Variants in AGBL4 observed in about 807,000 individuals in gnomAD.
AGBL4 encodes the protein AGBL carboxypeptidase 4.
Under a neutral mutation model 66.4 loss-of-function variants are expected in AGBL4, and 58 were observed. That is an observed-to-expected ratio of 0.87 (90% CI 0.71 to 1.09). AGBL4 has a LOEUF of 1.09. Ranked by LOEUF, AGBL4 falls within the 50% of genes least tolerant of loss-of-function variation. The pLI is 0.00. For synonymous variants in AGBL4, 234 were observed against 222.9 expected, an observed-to-expected ratio of 1.05 and a Z score of -0.44; for missense variants, 579 against 631.0, an observed-to-expected ratio of 0.92 and a Z score of 0.88.
chr1:49,935,486 T>C (rs1653883866), intron 1 of AGBL4, among the ~76,000 whole-genome samples: 1 of 152,140 alleles, frequency 6.6e-6, no homozygotes, highest in African/African-American at 2.4e-5. Context: ...GAGCAGTGGT[T>C]CTCCCAGCAG....
intron 6 of AGBL4, chr1:48,761,049 G>A: frequency 3.3e-6 from 1 of 299,180 alleles, no homozygotes; most frequent in Non-Finnish European, 6.3e-6. Context: ...CAGAGCTGTG[G>A]GCCAAGGAGA....
chr1:48,835,438 C>T (rs1303918784), intron 6 of AGBL4, among the ~76,000 whole-genome samples: 2 of 152,062 alleles, frequency 1.3e-5, no homozygotes, highest in Non-Finnish European at 2.9e-5. Flanking sequence ...TATAATTACA[C>T]TCTGAGATGA....
chr1:49,798,611 C>G (rs1644785850), intron 2 of AGBL4, among the ~76,000 whole-genome samples: 1 of 152,142 alleles, frequency 6.6e-6, no homozygotes, highest in Non-Finnish European at 1.5e-5. Context: ...ATCTATTCAT[C>G]TACTGACTGA....
At chr1:49,525,996 G>C (rs915230762) in intron 3 of AGBL4, among the ~76,000 whole-genome samples, 2 of 151,936 alleles carry the variant, frequency 1.3e-5, no homozygotes, top group African/African-American at 2.4e-5. Flanking sequence ...GGAGGCTGAG[G>C]CAGGAGAATG....
At chr1:49,723,771 T>C (rs1648791342) in intron 2 of AGBL4, among the ~76,000 whole-genome samples, 1 of 152,198 alleles carries the variant, frequency 6.6e-6, no homozygotes, top group Admixed American at 6.6e-5. Context: ...CAGAAAGTCA[T>C]AGTTTTAAAG....
intron 4 of AGBL4, among the ~76,000 whole-genome samples, chr1:49,138,925 G>T (rs1646064267): frequency 6.6e-6 from 1 of 152,158 alleles, no homozygotes; most frequent in Non-Finnish European, 1.5e-5. Context: ...TCACAGTTCT[G>T]CAGGCTGTAC....
intron 3 of AGBL4, among the ~76,000 whole-genome samples, chr1:49,542,773 C>G (rs1570987282): frequency 6.6e-6 from 1 of 151,776 alleles, no homozygotes; most frequent in Non-Finnish European, 1.5e-5. Context: ...TGGCGTACAC[C>G]TGTGGTGCCA....
intron 9 of AGBL4, among the ~76,000 whole-genome samples, chr1:48,610,902 A>C (rs1237137847): frequency 6.6e-6 from 1 of 152,208 alleles, no homozygotes; most frequent in Non-Finnish European, 1.5e-5. Flanking sequence ...CATCAAATAC[A>C]ACTGAACAGC....
intron 5 of AGBL4, among the ~76,000 whole-genome samples, chr1:49,016,201 A>G (rs1662811572): frequency 6.6e-6 from 1 of 152,172 alleles, no homozygotes; most frequent in Non-Finnish European, 1.5e-5. Flanking sequence ...CTCTGGAGTC[A>G]TCAGGGGCAT....
chr1:49,768,791 CT>C (rs1643968253), intron 2 of AGBL4, among the ~76,000 whole-genome samples: 1 of 151,962 alleles, frequency 6.6e-6, no homozygotes, highest in Admixed American at 6.6e-5. Context: ...CACCAAAAGG[CT>C]TCTAGAACTT....
chr1:48,981,825 G>A (rs1386166929), intron 5 of AGBL4, among the ~76,000 whole-genome samples: 2 of 152,194 alleles, frequency 1.3e-5, no homozygotes, highest in African/African-American at 2.4e-5. Flanking sequence ...GAACCCAGGA[G>A]GCAGAGGTTG....
At chr1:49,498,038 T>C (rs1647772041) in intron 3 of AGBL4, among the ~76,000 whole-genome samples, 1 of 152,066 alleles carries the variant, frequency 6.6e-6, no homozygotes, top group Non-Finnish European at 1.5e-5. Context: ...TTTTCCTCAA[T>C]TTCTTTTGTC....
intron 3 of AGBL4, among the ~76,000 whole-genome samples, chr1:49,313,715 TG>T (rs1353109677): frequency 6.6e-6 from 1 of 152,202 alleles, no homozygotes; most frequent in African/African-American, 2.4e-5. Flanking sequence ...CACTTTTTGA[TG>T]GGGTTATTTT....
intron 3 of AGBL4, among the ~76,000 whole-genome samples, chr1:49,595,078 T>A (rs181517517): frequency 1.4e-3 from 214 of 152,254 alleles, no homozygotes; most frequent in Non-Finnish European, 2.5e-3. Flanking sequence ...TGTCATGAGA[T>A]GGTATCTCAT....
At position 48,534,101 on chromosome 1, in the gene AGBL4, A is replaced by T; in HGVS notation, c.*72T>A. On this transcript the variant is annotated 3_prime_UTR_variant, in exon 14 of 14. Transcript: ENST00000371839. ...CACAAATCCTTGGAAGCTAGAGAAG[A>T]GTGATTAATTTCATTCCCCAGCAGA... 1 of 1,544,970 alleles carries T rather than the reference A, an allele frequency of 6.5e-7. No individual in the cohort carries two copies. The highest frequency in any genetic ancestry group is 8.8e-7 in the Non-Finnish European group (1 of 1,141,212).
intron 12 of AGBL4, among the ~76,000 whole-genome samples, chr1:48,535,557 C>T (rs1257576880): frequency 6.6e-6 from 1 of 152,110 alleles, no homozygotes; most frequent in Non-Finnish European, 1.5e-5. Context: ...AACTTTCTGT[C>T]TTATCTTTAC....
intron 1 of AGBL4, among the ~76,000 whole-genome samples, chr1:49,980,758 G>A (rs997210952): frequency 3.9e-5 from 6 of 152,070 alleles, no homozygotes; most frequent in Admixed American, 6.6e-5. Flanking sequence ...TCAAGATCCC[G>A]CTTTCAATTG....
intron 8 of AGBL4, among the ~76,000 whole-genome samples, chr1:48,652,187 G>A (rs557202676): frequency 1.3e-5 from 2 of 152,276 alleles, no homozygotes; most frequent in African/African-American, 4.8e-5. Context: ...GGGTGATGGA[G>A]CAAGACCCTG....
chr1:48,835,341 G>C (rs1013490291), intron 6 of AGBL4, among the ~76,000 whole-genome samples: 14 of 152,120 alleles, frequency 9.2e-5, no homozygotes, highest in African/African-American at 3.4e-4. Flanking sequence ...CTAATGATGA[G>C]CAAAAACAGA....
Sources: gnomAD v4.1 joint callset for allele counts (sites outside exome capture counted in the v4.1 genomes callset) on GRCh38, gnomAD v4.1.1 for gene constraint, MANE v1.5 for transcripts, NCBI Gene and HGNC (gene_info 2026-07-23, HGNC 2026-07-21) for gene names.